PDS5B: variants seen among roughly 807,000 people sequenced by gnomAD.
PDS5B encodes sister chromatid cohesion protein PDS5 homolog B.
PDS5B carries 51 observed loss-of-function variants against 184.1 expected under a neutral mutation model. The observed-to-expected ratio is 0.28, with a 90% confidence interval of 0.22 to 0.35. The LOEUF (loss-of-function observed/expected upper bound fraction) is 0.35, where lower values mean the gene tolerates loss of function less well. Ranked by LOEUF, PDS5B falls within the 10% of genes least tolerant of loss-of-function variation. The pLI is 1.00. For missense variants in PDS5B, 1,180 were observed against 1,723.3 expected, an observed-to-expected ratio of 0.68 and a Z score of 5.58; for synonymous variants, 566 against 569.2, an observed-to-expected ratio of 0.99 and a Z score of 0.08.
In PDS5B at chr13:32,775,610, A is replaced by G. The variant is rs894208817; in HGVS notation, c.*558A>G. 2.0e-5 allele frequency: 9 copies of G among 455,574 alleles called. No individual in the cohort carries two copies. Among genetic ancestry groups the G allele is most frequent in the African/African-American group, 1.8e-4 (9 of 49,994 alleles). The allele number at this position is 455,574 out of a possible 1,614,324, so 28.2% of individuals were successfully genotyped here. On this transcript the variant is annotated 3_prime_UTR_variant, in exon 35 of 35. Coordinates refer to ENST00000315596, the MANE Select transcript of PDS5B (RefSeq NM_015032.4). ...TAGTGTTTACTCCTGGGCACCCTTAATCTTCAGAGGTGCTAAATTGTCTGC... is the reference window on the plus strand; with the variant it reads ...TAGTGTTTACTCCTGGGCACCCTTAGTCTTCAGAGGTGCTAAATTGTCTGC...
chr13:32,767,998 T>C (rs1954638731), intron 31 of PDS5B, among the ~76,000 whole-genome samples: 1 of 152,352 alleles, frequency 6.6e-6, no homozygotes. Context: ...CTACAAATCA[T>C]TGATTCTGAA....
In PDS5B at chr13:32,735,246, T is replaced by C. The variant is rs1008009100; in HGVS notation, c.2322T>C (p.Ala774=). Residue 774 remains alanine (A), a synonymous_variant, in exon 21 of 35, where the codon GCT becomes GCC. Transcript: ENST00000315596. ...ITPLVTIGHI[A]LLAPDQFAAP... is the part of the protein sequence containing the mutation. The stretch of plus-strand genomic sequence containing the variant: ...CATTGGTTACTATTGGTCATATTGC[T>C]CTCCTTGCACCTGATCAATTTGCTG... The C allele has an allele frequency of 6.2e-7, 1 of 1,612,164 alleles. No homozygotes were observed. The highest frequency in any genetic ancestry group is 8.5e-7 in the Non-Finnish European group (1 of 1,178,468).
At chr13:32,631,946 T>C (rs208411) in intron 1 of PDS5B, among the ~76,000 whole-genome samples, 107,029 of 152,016 alleles carry the variant, frequency 0.7, 38,229 homozygotes, top group African/African-American at 0.82. Flanking sequence ...ACCAGGATAT[T>C]CTTATTAAAA....
chr13:32,721,201 C>T (rs1442760974), intron 19 of PDS5B, among the ~76,000 whole-genome samples: 1 of 152,204 alleles, frequency 6.6e-6, no homozygotes, highest in Non-Finnish European at 1.5e-5. Context: ...GGGCTCCTCA[C>T]TTCCCAGACG....
At chr13:32,683,318 T>A (rs1201969982) in intron 10 of PDS5B, among the ~76,000 whole-genome samples, 7 of 143,796 alleles carry the variant, frequency 4.9e-5, no homozygotes, top group African/African-American at 1.8e-4. Context: ...CTTTAAAATT[T>A]TTTTTTTTTT....
At chr13:32,610,197 AC>A (rs1463312601) in intron 1 of PDS5B, among the ~76,000 whole-genome samples, 1 of 152,244 alleles carries the variant, frequency 6.6e-6, no homozygotes, top group Admixed American at 6.5e-5. Context: ...GTGAGTTAAT[AC>A]AAATCAATGT....
At chr13:32,756,612 T>C (rs1375344100) in intron 26 of PDS5B, among the ~76,000 whole-genome samples, 1 of 152,192 alleles carries the variant, frequency 6.6e-6, no homozygotes, top group Non-Finnish European at 1.5e-5. Context: ...TCAGTTACAA[T>C]AAAAGATTAC....
chr13:32,603,926 G>A (rs985568263), intron 1 of PDS5B, among the ~76,000 whole-genome samples: 11 of 152,300 alleles, frequency 7.2e-5, no homozygotes, highest in Admixed American at 1.3e-4. Flanking sequence ...CATTGATTTT[G>A]TATCCTGAGA....
At position 32,685,470 on chromosome 13, in the gene PDS5B, G is replaced by A. The variant is rs77085950; in HGVS notation, c.1203+1447G>A. On this transcript the variant is annotated intron_variant, in intron 11 of 34. Transcript: ENST00000315596. ...ATATTTTTGATCATCATGTTATATT[G>A]TATGGTTGCTTGGTTCATTCATATA... Among the ~76,000 whole-genome samples, 651 of 152,166 alleles carry A rather than the reference G, an allele frequency of 4.3e-3. 2 individuals carry two copies. Among genetic ancestry groups the A allele is most frequent in the Non-Finnish European group, 6.0e-3 (409 of 67,990 alleles).
intron 23 of PDS5B, among the ~76,000 whole-genome samples, chr13:32,744,169 GTCTTAGATTCT>G (rs1953664572): frequency 6.6e-6 from 1 of 152,048 alleles, no homozygotes; most frequent in Admixed American, 6.5e-5. Context: ...ACTTCTACGT[GTCTTAGATTCT>G]TCATCTGTAA....
intron 16 of PDS5B, 165 bp from the exon 17 acceptor site, chr13:32,701,158 G>C (rs1951850867): frequency 1.9e-6 from 1 of 516,010 alleles, no homozygotes; most frequent in African/African-American, 1.9e-5. Context: ...TTTTTCATAT[G>C]CTAAATCCTT....
chr13:32,674,063 C>T (rs916684824), intron 8 of PDS5B, among the ~76,000 whole-genome samples: 5 of 152,216 alleles, frequency 3.3e-5, no homozygotes, highest in Middle Eastern at 3.4e-3. Flanking sequence ...AATCCACCTG[C>T]CTCGGCCTCC....
intron 1 of PDS5B, among the ~76,000 whole-genome samples, chr13:32,602,432 C>A (rs2057991213): frequency 6.6e-6 from 1 of 152,110 alleles, no homozygotes; most frequent in African/African-American, 2.4e-5. Context: ...TGAACTCATC[C>A]TTTTTTATAG....
In PDS5B at chr13:32,605,968, T is replaced by C. The variant is rs185637804; in HGVS notation, c.-20+19375T>C. On this transcript the variant is annotated intron_variant, in intron 1 of 34. Transcript: ENST00000315596. ...TTTTGAGCCTGTGTGTGTCTCTGCG[T>C]GTGAGATGGGTCTCCTGAATACAGC... 4.7e-3 allele frequency among the ~76,000 whole-genome samples: 721 copies of C among 152,144 alleles called. 5 individuals carry two copies. The highest frequency in any genetic ancestry group is 5.6e-3 in the Non-Finnish European group (380 of 67,992).
chr13:32,633,732 A>T (rs1274303772), intron 1 of PDS5B, among the ~76,000 whole-genome samples: 2 of 152,154 alleles, frequency 1.3e-5, no homozygotes, highest in African/African-American at 2.4e-5. Context: ...TTTACTCATT[A>T]TTAATATTTT....
chr13:32,761,437 C>T (rs1954392320), intron 30 of PDS5B, among the ~76,000 whole-genome samples: 2 of 151,882 alleles, frequency 1.3e-5, no homozygotes, highest in South Asian at 4.2e-4. Context: ...GAGTATAGTA[C>T]CCAATAGGTC....
At chr13:32,594,247 A>G (rs1162150077) in intron 1 of PDS5B, among the ~76,000 whole-genome samples, 1 of 151,272 alleles carries the variant, frequency 6.6e-6, no homozygotes, top group Non-Finnish European at 1.5e-5. Flanking sequence ...TACACAGTAA[A>G]AAAGCAGTTA....
chr13:32,730,326 C>G (rs760585499), intron 19 of PDS5B, among the ~76,000 whole-genome samples: 1 of 152,148 alleles, frequency 6.6e-6, no homozygotes, highest in Non-Finnish European at 1.5e-5. Context: ...GGTGCCAGTA[C>G]CATGCTTTTT....
intron 1 of PDS5B, among the ~76,000 whole-genome samples, chr13:32,628,103 T>A (rs2140560557): frequency 6.6e-6 from 1 of 152,318 alleles, no homozygotes; most frequent in South Asian, 2.1e-4. Context: ...CAATCCATAA[T>A]ACCTATAGAT....
Sources: allele counts gnomAD v4.1 joint callset (sites outside exome capture counted in the v4.1 genomes callset), GRCh38; gene constraint gnomAD v4.1.1; transcripts MANE v1.5; gene names NCBI Gene and HGNC (gene_info 2026-07-23, HGNC 2026-07-21).